The following CACNA1A variants were observed in gnomAD, a reference collection of about 807,000 sequenced individuals.
CACNA1A encodes the protein voltage-dependent P/Q-type calcium channel subunit alpha-1A.
CACNA1A carries 57 observed loss-of-function variants against 262.4 expected under a neutral mutation model. The observed-to-expected ratio is 0.22, with a 90% CI of 0.18 to 0.27. The LOEUF (loss-of-function observed/expected upper bound fraction) is 0.27, where lower values mean the gene tolerates loss of function less well. Among genes scored for constraint, CACNA1A ranks in the 10% least tolerant of loss-of-function variants. The pLI, the probability that CACNA1A is intolerant of heterozygous loss-of-function variation, is 1.00. For synonymous variants in CACNA1A, 1,431 were observed against 1,419.3 expected (o/e 1.01, Z -0.18); for missense variants, 2,526 against 3,562.8 (o/e 0.71, Z 7.41).
At chr19:13,364,453 C>G (rs1206861966) in intron 5 of CACNA1A, 1 of 152,214 alleles carries the variant, frequency 6.6e-6, no homozygotes, top group East Asian at 1.9e-4. Flanking sequence ...CTTTAGAAGT[C>G]AGGACTGGTC....
At chr19:13,346,074 T>A (rs2058759073) in intron 6 of CACNA1A, among the ~76,000 whole-genome samples, 1 of 152,130 alleles carries the variant, frequency 6.6e-6, no homozygotes, top group Non-Finnish European at 1.5e-5. Context: ...CTAACTTTTT[T>A]GTATTTTTTA....
intron 24 of CACNA1A, among the ~76,000 whole-genome samples, chr19:13,268,704 G>C (rs1403395599): frequency 6.6e-6 from 1 of 152,022 alleles, no homozygotes; most frequent in Non-Finnish European, 1.5e-5. Context: ...AAAGTGCTAG[G>C]ATTACAGGTG....
chr19:13,245,118 C>T (rs950561677), intron 31 of CACNA1A, 64 bp downstream of exon 31: 19 of 1,304,148 alleles, frequency 1.5e-5, no homozygotes, highest in South Asian at 8.3e-5. Context: ...ACCGCTCCCC[C>T]GCCCCCTGCC....
intron 10 of CACNA1A, among the ~76,000 whole-genome samples, chr19:13,322,895 G>A (rs572738956): frequency 1.3e-5 from 2 of 152,252 alleles, no homozygotes; most frequent in South Asian, 4.1e-4. Context: ...ATTACCACCT[G>A]CAAAGACCCT....
chr19:13,380,580 A>C, intron 3 of CACNA1A, among the ~76,000 whole-genome samples: 1 of 118,642 alleles, frequency 8.4e-6, no homozygotes. Context: ...CATGAGGTGG[A>C]GGTTGCAGTG....
intron 23 of CACNA1A, 75 bp downstream of exon 23, chr19:13,276,994 G>T: frequency 1.1e-6 from 1 of 945,352 alleles, no homozygotes; most frequent in Non-Finnish European, 1.7e-6. Context: ...TTACAGGCAT[G>T]ATCCACTGTG....
intron 31 of CACNA1A, chr19:13,244,896 G>C (rs2056184904): frequency 2.3e-6 from 1 of 439,628 alleles, no homozygotes; most frequent in African/African-American, 2.0e-5. Flanking sequence ...AGTTCCCTCA[G>C]TGTACTCATC....
intron 38 of CACNA1A, among the ~76,000 whole-genome samples, chr19:13,221,230 CTTTCTTTT>C (rs1398835644): frequency 5.2e-5 from 1 of 19,338 alleles, no homozygotes; most frequent in Non-Finnish European, 8.8e-5. Context: ...TTCTTTCTTT[CTTTCTTTT>C]TTTTTTTTTT....
intron 19 of CACNA1A, among the ~76,000 whole-genome samples, chr19:13,288,625 C>G (rs1018569127): frequency 6.6e-6 from 1 of 152,108 alleles, no homozygotes; most frequent in Admixed American, 6.5e-5. Context: ...TCAAACCTCC[C>G]ATCAACCCCT....
chr19:13,327,291 T>A (rs1290974183), intron 10 of CACNA1A, among the ~76,000 whole-genome samples: 1 of 152,038 alleles, frequency 6.6e-6, no homozygotes, highest in African/African-American at 2.4e-5. Context: ...ACTGGCTAGA[T>A]TGGGGGCTCC....
rs2057776465 is a variant in CACNA1A, at chr19:13,300,990, C to T, written c.2173-334G>A. On this transcript the variant is annotated intron_variant, in intron 17 of 46. Coordinates refer to ENST00000360228, the MANE Select transcript of CACNA1A (RefSeq NM_001127222.2). ...AGAGACAGAGTCTCCCTTGGTTGCC[C>T]AGCCTGGAGTGCAGTGGCACAATCA... Among the ~76,000 whole-genome samples the T allele has an allele frequency of 2.6e-5, 4 of 152,094 alleles. No individual in the cohort carries two copies. In the South Asian group the frequency reaches 8.3e-4, roughly 32 times the overall value.
At position 13,234,668 on chromosome 19, in the gene CACNA1A, C is replaced by A. The variant is rs190256263; in HGVS notation, c.5249+253G>T. 16 of 486,906 alleles carry A rather than the reference C, an allele frequency of 3.3e-5. No individual in the cohort carries two copies. In the East Asian group the frequency reaches 5.4e-4, roughly 17 times the overall value. 30.2% of individuals were successfully genotyped at this position (486,906 alleles called of 1,614,324 possible). On this transcript the variant is annotated intron_variant, in intron 34 of 46. Transcript: ENST00000360228. ...AAAAGAAGGATAAGAGCACATCTGG[C>A]CACCCCCACACCAGAAAAGGAGGAG... is the stretch of plus-strand genomic sequence containing the variant.
intron 17 of CACNA1A, among the ~76,000 whole-genome samples, chr19:13,303,259 C>T (rs150787753): frequency 0.013 from 1,990 of 152,278 alleles, 50 homozygotes; most frequent in African/African-American, 0.045. Flanking sequence ...ACCCTGCTTA[C>T]TCCCTGTAAA....
At chr19:13,443,537 G>C (rs2060761001) in intron 3 of CACNA1A, among the ~76,000 whole-genome samples, 2 of 151,948 alleles carry the variant, frequency 1.3e-5, no homozygotes, top group Non-Finnish European at 2.9e-5. Flanking sequence ...TACAGAGACA[G>C]GATCTTGCTA....
At chr19:13,500,689 T>C (rs773393037) in intron 1 of CACNA1A, among the ~76,000 whole-genome samples, 8 of 152,182 alleles carry the variant, frequency 5.3e-5, no homozygotes, top group Non-Finnish European at 8.8e-5. Flanking sequence ...CCTGGGTTAA[T>C]TTACCCAAGA....
intron 27 of CACNA1A, chr19:13,258,676 G>A (rs1159123283): frequency 6.6e-6 from 1 of 152,146 alleles, no homozygotes; most frequent in African/African-American, 2.4e-5. Context: ...TGTTCAGGTT[G>A]GCATATTTGC....
At chr19:13,227,722 G>GA (rs946932256) in intron 36 of CACNA1A, 195 bp from the exon 37 acceptor site, 93 of 315,408 alleles carry the variant, frequency 2.9e-4, no homozygotes, top group South Asian at 2.6e-3. Context: ...AAAAGAGGAG[G>GA]AAAAAAAATG....
At chr19:13,255,066 A>G (rs772498888) in intron 29 of CACNA1A, 29 bp downstream of exon 29, 6 of 1,610,932 alleles carry the variant, frequency 3.7e-6, no homozygotes, top group Non-Finnish European at 5.1e-6. Context: ...GGGGTTAAGT[A>G]GTGCTGGGGG....
chr19:13,294,733 C>A (rs1307984403), intron 19 of CACNA1A, among the ~76,000 whole-genome samples: 1 of 152,074 alleles, frequency 6.6e-6, no homozygotes, highest in Non-Finnish European at 1.5e-5. Flanking sequence ...AGGTGATCCA[C>A]CTGTCTCTGC....
Sources: allele counts gnomAD v4.1 joint callset (sites outside exome capture counted in the v4.1 genomes callset), GRCh38; gene constraint gnomAD v4.1.1; transcripts MANE v1.5; gene names NCBI Gene and HGNC (gene_info 2026-07-23, HGNC 2026-07-21).